ANK2: variants seen among roughly 807,000 people sequenced by gnomAD.
ANK2 encodes ankyrin-2.
Under a neutral mutation model 360.5 loss-of-function variants are expected in ANK2, and 83 were observed. The observed-to-expected ratio is 0.23, with a 90% CI of 0.19 to 0.28. The LOEUF is 0.28. ANK2 is among the 10% of genes least tolerant of loss of function. ANK2 has a pLI of 1.00. For synonymous variants in ANK2, 1,740 were observed against 1,759.5 expected (o/e 0.99, Z 0.28); for missense variants, 4,201 against 4,795.7 (o/e 0.88, Z 3.66).
intron 1 of ANK2, among the ~76,000 whole-genome samples, chr4:112,843,703 G>T (rs1560754598): frequency 6.6e-6 from 1 of 151,902 alleles, no homozygotes; most frequent in African/African-American, 2.4e-5. Context: ...TTTTTAGAAT[G>T]CTTATGGATC....
chr4:113,381,768 A>G lies in ANK2; in HGVS notation c.*297A>G. 1 of 1,020,852 alleles carries G rather than the reference A, an allele frequency of 9.8e-7. No homozygotes were observed. Among genetic ancestry groups the G allele is most frequent in the African/African-American group, 1.6e-5 (1 of 62,374 alleles). 63.2% of individuals were successfully genotyped at this position (1,020,852 alleles called of 1,614,324 possible). On this transcript the variant is annotated 3_prime_UTR_variant, in exon 46 of 46. Transcript: ENST00000357077. Reference sequence around the variant, plus strand: ...CGACATTTCCACTGTTAGCAAATATACGGCATTTTGCTTTAGTTTTCCCCC... The same window carrying G: ...CGACATTTCCACTGTTAGCAAATATGCGGCATTTTGCTTTAGTTTTCCCCC...
At chr4:112,899,541 G>C (rs2082682540) in intron 1 of ANK2, among the ~76,000 whole-genome samples, 1 of 152,112 alleles carries the variant, frequency 6.6e-6, no homozygotes, top group African/African-American at 2.4e-5. Flanking sequence ...GTACAACGTA[G>C]GCACCTAACA....
At chr4:112,796,824 A>G in the ANK2 span, among the ~76,000 whole-genome samples, 1 of 152,242 alleles carries the variant, frequency 6.6e-6, no homozygotes, top group Non-Finnish European at 1.5e-5. Context: ...GCTAAAATGT[A>G]TATTAAATTG....
rs2056675823 is a variant in ANK2, at chr4:113,267,495, A to G, written c.1485+2500A>G. 2.0e-5 allele frequency among the ~76,000 whole-genome samples: 3 copies of G among 152,160 alleles called. 1 individual carries two copies. The highest frequency in any genetic ancestry group is 2.0e-4 in the Admixed American group (3 of 15,268). ...CTAGCCAGTTTTCCCAACACCATTT[A>G]TTAAATAGGGAATCCTTTTCCCATT... On this transcript the variant is annotated intron_variant, in intron 14 of 45. Transcript: ENST00000357077.
At chr4:113,379,748 T>A (rs1443059690) in intron 45 of ANK2, among the ~76,000 whole-genome samples, 1 of 151,496 alleles carries the variant, frequency 6.6e-6, no homozygotes, top group Non-Finnish European at 1.5e-5. Flanking sequence ...AAAAGGGGAG[T>A]AGAAGAACAT....
chr4:112,852,968 T>C (rs2065378275), intron 1 of ANK2, among the ~76,000 whole-genome samples: 1 of 152,230 alleles, frequency 6.6e-6, no homozygotes, highest in Admixed American at 6.5e-5. Flanking sequence ...GTTGTTATTG[T>C]TGTTTTGGAG....
chr4:112,886,491 G>A (rs530253475), intron 1 of ANK2, among the ~76,000 whole-genome samples: 264 of 152,032 alleles, frequency 1.7e-3, no homozygotes, highest in African/African-American at 5.8e-3. Flanking sequence ...GGTGAAACTC[G>A]TCTCTATTAA....
intron 41 of ANK2, among the ~76,000 whole-genome samples, chr4:113,366,835 G>A (rs1286022162): frequency 6.6e-6 from 1 of 151,992 alleles, no homozygotes; most frequent in East Asian, 1.9e-4. Flanking sequence ...AAGTTCAGTG[G>A]GGACGGAAGC....
chr4:113,118,752 C>A (rs955539210), intron 1 of ANK2, among the ~76,000 whole-genome samples: 1 of 152,110 alleles, frequency 6.6e-6, no homozygotes, highest in Non-Finnish European at 1.5e-5. Context: ...TTCTTGACAG[C>A]GACTGCAGTT....
rs1013662688 is a variant in ANK2 at position 113,145,786 on chromosome 4, C to A, written c.85-28630C>A. Reference sequence around the variant, plus strand: ...CCAAGGATCATCTTGATGAATTGCCCACATTAGTGTACCCCTGGGAGCCCT... The same window carrying A: ...CCAAGGATCATCTTGATGAATTGCCAACATTAGTGTACCCCTGGGAGCCCT... On this transcript the variant is annotated intron_variant, in intron 1 of 45. Transcript: ENST00000357077. 5.3e-5 allele frequency: 66 copies of A among 1,245,586 alleles called. No individual in the cohort carries two copies. The African/African-American group carries it at 9.6e-4, about 18-fold the overall frequency. 77.2% of individuals were successfully genotyped at this position (1,245,586 alleles called of 1,614,324 possible).
intron 1 of ANK2, chr4:112,827,380 C>G (rs971442827): frequency 5.1e-6 from 7 of 1,370,868 alleles, no homozygotes; most frequent in Middle Eastern, 1.8e-4. Flanking sequence ...AGATGCTAAT[C>G]TCACAGCTCT....
chr4:112,744,772 G>C, the ANK2 span, among the ~76,000 whole-genome samples: 1 of 152,216 alleles, frequency 6.6e-6, no homozygotes, highest in Non-Finnish European at 1.5e-5. Flanking sequence ...CAGAATATGA[G>C]AGTACCTGCT....
intron 23 of ANK2, among the ~76,000 whole-genome samples, chr4:113,304,162 T>C (rs539408880): frequency 6.6e-6 from 1 of 152,232 alleles, no homozygotes; most frequent in South Asian, 2.1e-4. Context: ...AGCATTCCTA[T>C]ATGCATATCA....
chr4:113,373,598 T>C (rs2096821667), intron 45 of ANK2, 149 bp downstream of exon 45: 5 of 864,034 alleles, frequency 5.8e-6, no homozygotes, highest in Non-Finnish European at 9.9e-6. Context: ...CCTTTTTGTT[T>C]TCATGATTCT....
chr4:112,726,494 C>A, the ANK2 span, among the ~76,000 whole-genome samples: 3 of 151,968 alleles, frequency 2.0e-5, no homozygotes, highest in Non-Finnish European at 4.4e-5. Context: ...CTTCCCACCC[C>A]CACCTTGCCA....
chr4:113,095,933 C>T (rs1040236695), intron 1 of ANK2, among the ~76,000 whole-genome samples: 6 of 152,132 alleles, frequency 3.9e-5, no homozygotes, highest in African/African-American at 1.4e-4. Context: ...TATTCCATGT[C>T]CCTCTGGTCT....
At chr4:113,026,649 T>G (rs1409338338) in intron 2 of ANK2, among the ~76,000 whole-genome samples, 1 of 152,140 alleles carries the variant, frequency 6.6e-6, no homozygotes, top group Non-Finnish European at 1.5e-5. Context: ...GCTCAAATGC[T>G]GAACTGTGGA....
chr4:113,217,559 T>C lies in ANK2; in HGVS notation c.385-14602T>C, dbSNP rs528549072. On this transcript the variant is annotated intron_variant, in intron 4 of 45. Coordinates refer to ENST00000357077, the MANE Select transcript of ANK2 (RefSeq NM_001148.6). ...GGTTTCAGGATGAAGCCGTTCTGCC[T>C]CAAATCATCAGGCATAAGATTCTCA... 7.2e-4 allele frequency among the ~76,000 whole-genome samples: 110 copies of C among 152,258 alleles called. 1 individual carries two copies. Among genetic ancestry groups the C allele is most frequent in the Admixed American group, 7.2e-3 (110 of 15,288 alleles).
At chr4:113,233,156 A>G (rs866025707) in intron 5 of ANK2, among the ~76,000 whole-genome samples, 11 of 72,542 alleles carry the variant, frequency 1.5e-4, no homozygotes, top group Admixed American at 2.4e-4. Flanking sequence ...TTTTTTTGAG[A>G]CGGAGTCTCG....
Sources: allele counts gnomAD v4.1 joint callset (sites outside exome capture counted in the v4.1 genomes callset), GRCh38; gene constraint gnomAD v4.1.1; transcripts MANE v1.5; gene names NCBI Gene and HGNC (gene_info 2026-07-23, HGNC 2026-07-21).